Variants in GRM7 observed in about 807,000 individuals in gnomAD.
GRM7 encodes glutamate metabotropic receptor 7.
A neutral mutation model predicts 84.5 loss-of-function variants in GRM7; 35 were observed. The ratio of observed to expected loss-of-function variants is 0.41; its 90% confidence interval spans 0.32 to 0.55. GRM7 has a LOEUF of 0.55. Ranked by LOEUF, GRM7 falls within the 20% of genes least tolerant of loss-of-function variation. The pLI, the probability that GRM7 is intolerant of heterozygous loss-of-function variation, is 0.19. For synonymous variants in GRM7, 487 were observed against 455.1 expected, an observed-to-expected ratio of 1.07 and a Z score of -0.89; for missense variants, 1,003 against 1,194.6, an observed-to-expected ratio of 0.84 and a Z score of 2.36.
At chr3:6,964,783 T>C (rs1008618446) in intron 1 of GRM7, among the ~76,000 whole-genome samples, 6 of 152,202 alleles carry the variant, frequency 3.9e-5, no homozygotes, top group Non-Finnish European at 8.8e-5. Flanking sequence ...ACCAAACTCA[T>C]GATTGTTCTT....
chr3:7,141,567 C>T (rs1693945240), intron 1 of GRM7, among the ~76,000 whole-genome samples: 1 of 151,608 alleles, frequency 6.6e-6, no homozygotes, highest in Non-Finnish European at 1.5e-5. Flanking sequence ...TTATTGTTAA[C>T]CTAAAAATAA....
intron 1 of GRM7, among the ~76,000 whole-genome samples, chr3:6,913,612 C>G (rs1201193816): frequency 6.6e-6 from 1 of 152,154 alleles, no homozygotes; most frequent in East Asian, 1.9e-4. Flanking sequence ...TGCAGACCTC[C>G]TCATTTCTGG....
intron 2 of GRM7, among the ~76,000 whole-genome samples, chr3:7,201,023 G>A (rs138765091): frequency 0.014 from 2,042 of 141,894 alleles, 42 homozygotes; most frequent in African/African-American, 0.049. Context: ...AGGCTGGAGT[G>A]CAGTGGCACG....
At chr3:6,871,570 C>T (rs999910928) in intron 1 of GRM7, among the ~76,000 whole-genome samples, 29 of 151,392 alleles carry the variant, frequency 1.9e-4, no homozygotes, top group Admixed American at 1.6e-3. Context: ...TTGTCATCTC[C>T]GTTTAGGTAT....
chr3:7,064,479 T>TACACACACAC (rs372086997), intron 1 of GRM7, among the ~76,000 whole-genome samples: 4 of 99,380 alleles, frequency 4.0e-5, no homozygotes, highest in Non-Finnish European at 8.4e-5. Flanking sequence ...TATATATATA[T>TACACACACAC]ACACACATAT....
intron 1 of GRM7, among the ~76,000 whole-genome samples, chr3:6,918,427 A>G (rs1436045514): frequency 2.0e-5 from 3 of 152,170 alleles, no homozygotes; most frequent in Non-Finnish European, 2.9e-5. Flanking sequence ...TAATGAAGAT[A>G]AATTTGACAT....
At chr3:6,951,223 T>C (rs192707498) in intron 1 of GRM7, among the ~76,000 whole-genome samples, 1 of 152,340 alleles carries the variant, frequency 6.6e-6, no homozygotes. Context: ...TGTTATTAAT[T>C]TTTCAAAGAA....
At chr3:7,281,190 G>A (rs1204670629) in intron 2 of GRM7, among the ~76,000 whole-genome samples, 1 of 152,094 alleles carries the variant, frequency 6.6e-6, no homozygotes, top group Non-Finnish European at 1.5e-5. Context: ...GAAATAAAGT[G>A]TATGTTAAAA....
chr3:7,639,309 C>T (rs148721921), intron 8 of GRM7, among the ~76,000 whole-genome samples: 1,768 of 152,286 alleles, frequency 0.012, 43 homozygotes, highest in African/African-American at 0.041. Flanking sequence ...CTTGCCCATG[C>T]GCAGCCGCAA....
chr3:7,108,635 T>A (rs1692738006), intron 1 of GRM7, among the ~76,000 whole-genome samples: 1 of 152,028 alleles, frequency 6.6e-6, no homozygotes, highest in Non-Finnish European at 1.5e-5. Flanking sequence ...CCCCATTCAT[T>A]ATGGACCATC....
At chr3:6,874,839 C>G (rs1260167702) in intron 1 of GRM7, among the ~76,000 whole-genome samples, 1 of 152,202 alleles carries the variant, frequency 6.6e-6, no homozygotes, top group Non-Finnish European at 1.5e-5. Context: ...TCAAGGAAAA[C>G]TTACTCCTTT....
chr3:6,954,266 A>G (rs1432730323), intron 1 of GRM7, among the ~76,000 whole-genome samples: 3 of 152,160 alleles, frequency 2.0e-5, no homozygotes, highest in Non-Finnish European at 4.4e-5. Flanking sequence ...TGAAAGATAT[A>G]ATACCTTGTT....
intron 4 of GRM7, among the ~76,000 whole-genome samples, chr3:7,398,478 A>G (rs116821325): frequency 2.4e-4 from 37 of 152,268 alleles, no homozygotes; most frequent in African/African-American, 8.4e-4. Flanking sequence ...TGATAATGCA[A>G]TGGGCTATCC....
intron 4 of GRM7, among the ~76,000 whole-genome samples, chr3:7,323,622 T>C (rs1700869814): frequency 6.6e-6 from 1 of 152,208 alleles, no homozygotes; most frequent in South Asian, 2.1e-4. Flanking sequence ...GAAAGCAAGC[T>C]GCTTCTTATA....
chr3:7,708,265 C>T (rs1271097788), intron 9 of GRM7, among the ~76,000 whole-genome samples: 10 of 151,542 alleles, frequency 6.6e-5, no homozygotes, highest in Non-Finnish European at 1.2e-4. Context: ...TAGAGTAAAG[C>T]CTAGTTTCCT....
At chr3:7,014,392 G>A (rs147878545) in intron 1 of GRM7, among the ~76,000 whole-genome samples, 3 of 151,986 alleles carry the variant, frequency 2.0e-5, no homozygotes, top group Non-Finnish European at 4.4e-5. Context: ...CCAGGCTAAA[G>A]TGCAGTGGTG....
intron 8 of GRM7, among the ~76,000 whole-genome samples, chr3:7,658,275 C>T (rs1486382018): frequency 2.6e-5 from 4 of 152,108 alleles, no homozygotes; most frequent in African/African-American, 9.7e-5. Context: ...TATTAAAACT[C>T]CAAATAAATG....
intron 8 of GRM7, among the ~76,000 whole-genome samples, chr3:7,593,672 G>A (rs987545910): frequency 6.6e-6 from 1 of 152,144 alleles, no homozygotes; most frequent in African/African-American, 2.4e-5. Flanking sequence ...GTGAGAAACA[G>A]ACGCTGGAGT....
At chr3:7,261,902 C>CTCCCTCCCTCCCGTCCTCCCTTCCT (rs1698438926) in intron 2 of GRM7, among the ~76,000 whole-genome samples, 1 of 82,906 alleles carries the variant, frequency 1.2e-5, no homozygotes, top group Non-Finnish European at 2.2e-5. Flanking sequence ...CCCTCCCTCC[C>CTCCCTCCCTCCCGTCCTCCCTTCCT]TCCCTCCCTC....
Sources: allele counts gnomAD v4.1 joint callset (sites outside exome capture counted in the v4.1 genomes callset), GRCh38; gene constraint gnomAD v4.1.1; transcripts MANE v1.5; gene names NCBI Gene and HGNC (gene_info 2026-07-23, HGNC 2026-07-21).